Variants in FAM184A observed in about 807,000 individuals in gnomAD.
FAM184A encodes the protein protein FAM184A.
FAM184A carries 99 observed loss-of-function variants against 143.8 expected under a neutral mutation model. That is an observed-to-expected ratio of 0.69 (90% CI 0.58 to 0.81). The LOEUF (loss-of-function observed/expected upper bound fraction) is 0.81. Ranked by LOEUF, FAM184A falls within the 40% of genes least tolerant of loss-of-function variation. The pLI is 0.00. For missense variants in FAM184A, 1,217 were observed against 1,310.5 expected (o/e 0.93, Z 1.10); for synonymous variants, 427 against 446.4 (o/e 0.96, Z 0.55).
At chr6:119,140,101 T>C (rs1772166875) in intron 1 of FAM184A, among the ~76,000 whole-genome samples, 1 of 152,052 alleles carries the variant, frequency 6.6e-6, no homozygotes, top group African/African-American at 2.4e-5. Flanking sequence ...AACGGATTAG[T>C]AAAAAAATAT....
In FAM184A at chr6:119,086,860, G is replaced by C. The variant is rs181154032; in HGVS notation, c.-201-62047C>G. ...GTTAGCAGGCTATTGCACTTATTCT[G>C]GTGAGAGATGATGAACCACTGACCT... On this transcript the variant is annotated intron_variant, in intron 1 of 16. Transcript: ENST00000352896. 2.0e-5 allele frequency among the ~76,000 whole-genome samples: 3 copies of C among 152,242 alleles called. No individual in the cohort carries two copies. In the East Asian group the frequency reaches 5.8e-4, roughly 29 times the overall value.
chr6:119,017,781 G>T (rs1358482459), intron 4 of FAM184A, among the ~76,000 whole-genome samples: 2 of 152,176 alleles, frequency 1.3e-5, no homozygotes, highest in Non-Finnish European at 2.9e-5. Flanking sequence ...TGACTAGTGG[G>T]AGGTGTCTGG....
chr6:119,033,401 C>A (rs1411240614), intron 1 of FAM184A, among the ~76,000 whole-genome samples: 1 of 152,098 alleles, frequency 6.6e-6, no homozygotes, highest in Admixed American at 6.5e-5. Context: ...TGCGGTGGCT[C>A]ACGCCTGTAA....
chr6:118,988,120 G>A (rs563682296), intron 9 of FAM184A, among the ~76,000 whole-genome samples: 69 of 152,170 alleles, frequency 4.5e-4, no homozygotes, highest in African/African-American at 1.5e-3. Flanking sequence ...AGAGACTGCC[G>A]CTATGAAGAA....
intron 1 of FAM184A, among the ~76,000 whole-genome samples, chr6:119,121,432 T>C (rs1789209764): frequency 6.6e-6 from 1 of 152,148 alleles, no homozygotes; most frequent in Non-Finnish European, 1.5e-5. Context: ...CCACCGTGCC[T>C]GGCCTTTTAA....
chr6:118,981,161 C>T (rs1396180489), intron 9 of FAM184A, among the ~76,000 whole-genome samples: 3 of 152,102 alleles, frequency 2.0e-5, no homozygotes, highest in Non-Finnish European at 4.4e-5. Context: ...TCTTAATATA[C>T]TTAAAATTAA....
At chr6:119,097,341 T>G (rs1788533267) in intron 1 of FAM184A, among the ~76,000 whole-genome samples, 1 of 152,184 alleles carries the variant, frequency 6.6e-6, no homozygotes, top group African/African-American at 2.4e-5. Context: ...AAAGAACAAT[T>G]AAAAGCAAAG....
intron 1 of FAM184A, among the ~76,000 whole-genome samples, chr6:119,143,722 C>T (rs554530832): frequency 1.1e-4 from 17 of 152,310 alleles, no homozygotes; most frequent in East Asian, 3.9e-4. Flanking sequence ...AGGACACACA[C>T]TGTACGATCC....
At chr6:119,020,736 AG>A (rs1785417161) in intron 3 of FAM184A, among the ~76,000 whole-genome samples, 1 of 152,164 alleles carries the variant, frequency 6.6e-6, no homozygotes, top group Non-Finnish European at 1.5e-5. Flanking sequence ...GCTACTTGGG[AG>A]GTTGAGATGG....
intron 9 of FAM184A, among the ~76,000 whole-genome samples, chr6:118,981,924 A>G (rs369232062): frequency 6.6e-6 from 1 of 152,328 alleles, no homozygotes; most frequent in African/African-American, 2.4e-5. Flanking sequence ...CTAAGGTTTC[A>G]GAGGTTATTT....
intron 1 of FAM184A, among the ~76,000 whole-genome samples, chr6:119,059,666 T>C (rs1787145719): frequency 6.6e-6 from 1 of 152,170 alleles, no homozygotes; most frequent in Non-Finnish European, 1.5e-5. Flanking sequence ...ACTAAAGACA[T>C]AATTACTTGA....
chr6:119,026,946 T>C (rs1785655669), intron 1 of FAM184A, among the ~76,000 whole-genome samples: 1 of 152,188 alleles, frequency 6.6e-6, no homozygotes, highest in Non-Finnish European at 1.5e-5. Context: ...TGACACCTTT[T>C]AAGGTCTGAT....
At chr6:119,095,791 T>TAAAGTGATCCTTCTGGCTC (rs899853968) in intron 1 of FAM184A, among the ~76,000 whole-genome samples, 6 of 152,166 alleles carry the variant, frequency 3.9e-5, no homozygotes, top group Admixed American at 6.5e-5. Context: ...ACTCCTGGCT[T>TAAAGTGATCCTTCTGGCTC]CAAGTGATCC....
chr6:119,018,316 C>G (rs1431378262), intron 4 of FAM184A, among the ~76,000 whole-genome samples: 1 of 152,148 alleles, frequency 6.6e-6, no homozygotes, highest in African/African-American at 2.4e-5. Flanking sequence ...TTAATTCTTA[C>G]AACAACCCCA....
chr6:119,084,173 G>A (rs1430455919), intron 1 of FAM184A, among the ~76,000 whole-genome samples: 1 of 152,148 alleles, frequency 6.6e-6, no homozygotes, highest in Non-Finnish European at 1.5e-5. Flanking sequence ...CATGAGAATA[G>A]CATGGGAGAA....
At chr6:119,113,812 C>T (rs1005234300) in intron 1 of FAM184A, among the ~76,000 whole-genome samples, 3 of 152,138 alleles carry the variant, frequency 2.0e-5, no homozygotes, top group South Asian at 2.1e-4. Context: ...CATGGTGGCT[C>T]ATGACTGTAA....
intron 1 of FAM184A, among the ~76,000 whole-genome samples, chr6:119,040,029 A>G (rs1786262947): frequency 6.6e-6 from 1 of 152,220 alleles, no homozygotes; most frequent in African/African-American, 2.4e-5. Flanking sequence ...GTGAGCCTAT[A>G]AAAGTCCTAG....
chr6:118,969,891 TG>T (rs1277748734), intron 14 of FAM184A, among the ~76,000 whole-genome samples: 1 of 139,642 alleles, frequency 7.2e-6, no homozygotes, highest in African/African-American at 2.7e-5. Flanking sequence ...AGTGAGAACA[TG>T]TGGAGTTTGG....
chr6:119,055,152 A>T (rs1260886461), intron 1 of FAM184A, among the ~76,000 whole-genome samples: 1 of 152,218 alleles, frequency 6.6e-6, no homozygotes, highest in Non-Finnish European at 1.5e-5. Context: ...TACAATATTT[A>T]GCCTTTTGTG....
Sources: allele counts gnomAD v4.1 joint callset (sites outside exome capture counted in the v4.1 genomes callset), GRCh38; gene constraint gnomAD v4.1.1; transcripts MANE v1.5; gene names NCBI Gene and HGNC (gene_info 2026-07-23, HGNC 2026-07-21).